The following GREB1L variants were observed in gnomAD, a reference collection of about 807,000 sequenced individuals.
GREB1L encodes GREB1-like protein.
A neutral mutation model predicts 200.8 loss-of-function variants in GREB1L; 17 were observed. That is an observed-to-expected ratio of 0.08 (90% CI 0.06 to 0.13). The LOEUF (loss-of-function observed/expected upper bound fraction) is 0.13, where lower values mean the gene tolerates loss of function less well. Ranked by LOEUF, GREB1L falls within the 10% of genes least tolerant of loss-of-function variation. The pLI, the probability that GREB1L is intolerant of heterozygous loss-of-function variation, is 1.00. For synonymous variants in GREB1L, 789 were observed against 893.0 expected (o/e 0.88, Z 2.08); for missense variants, 1,657 against 2,367.7 (o/e 0.70, Z 6.23).
chr18:21,332,577 C>T (rs1263437740), intron 1 of GREB1L, among the ~76,000 whole-genome samples: 2 of 152,046 alleles, frequency 1.3e-5, no homozygotes, highest in African/African-American at 2.4e-5. Context: ...TGGGTTTAAG[C>T]GATTCTCCAG....
intron 7 of GREB1L, among the ~76,000 whole-genome samples, chr18:21,415,158 A>G (rs1476725367): frequency 6.6e-6 from 1 of 152,206 alleles, no homozygotes; most frequent in Non-Finnish European, 1.5e-5. Context: ...GAGTCCCTCA[A>G]ATGTTCAACA....
At chr18:21,318,994 G>A (rs573927329) in intron 1 of GREB1L, among the ~76,000 whole-genome samples, 26 of 152,308 alleles carry the variant, frequency 1.7e-4, no homozygotes, top group Admixed American at 6.5e-4. Context: ...CTTAGCCCCC[G>A]TGTAGCTGCC....
intron 4 of GREB1L, among the ~76,000 whole-genome samples, chr18:21,388,306 G>A (rs1372967810): frequency 2.0e-5 from 3 of 152,014 alleles, no homozygotes; most frequent in South Asian, 4.1e-4. Flanking sequence ...TAAGAAAATA[G>A]TACAGTTTCC....
At chr18:21,439,442 A>C (rs978326826) in intron 7 of GREB1L, 79 bp from the exon 8 acceptor site, 1 of 824,762 alleles carries the variant, frequency 1.2e-6, no homozygotes, top group African/African-American at 1.7e-5. Flanking sequence ...TGTGAGGTCT[A>C]TCAGATGGTT....
At position 21,490,080 on chromosome 18, in the gene GREB1L, T is replaced by C; in HGVS notation, c.2759T>C (p.Met920Thr). 6.4e-7 allele frequency: 1 copy of C among 1,551,974 alleles called. No homozygotes were observed. The highest frequency in any genetic ancestry group is 8.7e-7 in the Non-Finnish European group (1 of 1,147,056). ...LLIQQYSEAL[M>T]ALTTMASLRD... ...ATCCAGCAGTACTCTGAGGCCCTGA[T>C]GGCTCTCACCACCATGGCGTCACTC... Residue 920 changes from methionine to threonine, a missense_variant, in exon 19 of 33, where the codon ATG becomes ACG. By Grantham distance (81) the Met-to-Thr change is moderately conservative. Coordinates refer to ENST00000424526, the MANE Select transcript of GREB1L (RefSeq NM_001142966.3).
At chr18:21,349,937 C>G (rs1240541099) in intron 1 of GREB1L, among the ~76,000 whole-genome samples, 2 of 152,190 alleles carry the variant, frequency 1.3e-5, no homozygotes, top group Admixed American at 6.5e-5. Context: ...AAACCAGTGC[C>G]TGGTGCCAAA....
intron 1 of GREB1L, among the ~76,000 whole-genome samples, chr18:21,324,727 A>G (rs1452645785): frequency 6.6e-6 from 1 of 152,138 alleles, no homozygotes; most frequent in Non-Finnish European, 1.5e-5. Flanking sequence ...GGAGAATGGC[A>G]TGAACCCAGG....
intron 1 of GREB1L, among the ~76,000 whole-genome samples, chr18:21,306,419 T>C (rs184041517): frequency 5.8e-4 from 89 of 152,312 alleles, no homozygotes; most frequent in African/African-American, 2.0e-3. Flanking sequence ...GAAAAGAGAC[T>C]AGCAATCATA....
chr18:21,439,816 G>C (rs2033795574), intron 8 of GREB1L, among the ~76,000 whole-genome samples, 179 bp downstream of exon 8: 1 of 152,234 alleles, frequency 6.6e-6, no homozygotes, highest in African/African-American at 2.4e-5. Flanking sequence ...GGGATTCTAT[G>C]TGGATGACCT....
At chr18:21,288,230 C>CT (rs1376607153) in intron 1 of GREB1L, among the ~76,000 whole-genome samples, 1 of 151,836 alleles carries the variant, frequency 6.6e-6, no homozygotes, top group Non-Finnish European at 1.5e-5. Flanking sequence ...GCCCCAAAAG[C>CT]TTTTTTTCCC....
rs2037655279 is a variant in GREB1L at position 21,524,686 on chromosome 18, G to C, written c.*1865G>C. The C allele has an allele frequency of 6.6e-6, 1 of 152,050 alleles. No individual in the cohort carries two copies. The highest frequency in any genetic ancestry group is 2.4e-5 in the African/African-American group (1 of 41,386). 9.4% of individuals were successfully genotyped at this position (152,050 alleles called of 1,614,324 possible). ...GGATGGCCTCTCAGGGTTTCTTCTG[G>C]CTTTATGACTTCATAGTTTAAAGAA... On this transcript the variant is annotated 3_prime_UTR_variant, in exon 33 of 33. Transcript: ENST00000424526.
intron 1 of GREB1L, among the ~76,000 whole-genome samples, chr18:21,334,754 C>CA (rs1252461575): frequency 1.3e-5 from 2 of 149,310 alleles, no homozygotes; most frequent in East Asian, 2.0e-4. Context: ...AGCCTGGTGA[C>CA]AGAGTATGAC....
intron 1 of GREB1L, among the ~76,000 whole-genome samples, chr18:21,354,870 AC>A (rs1231424553): frequency 6.6e-6 from 1 of 152,238 alleles, no homozygotes; most frequent in Non-Finnish European, 1.5e-5. Flanking sequence ...GTGCAGGGAT[AC>A]TTAGGATGTT....
At chr18:21,345,163 C>T (rs2039326792) in intron 1 of GREB1L, among the ~76,000 whole-genome samples, 1 of 152,102 alleles carries the variant, frequency 6.6e-6, no homozygotes, top group Non-Finnish European at 1.5e-5. Context: ...CACTTCAGAC[C>T]CTATTAGATT....
intron 15 of GREB1L, among the ~76,000 whole-genome samples, chr18:21,471,071 A>G (rs1479042972): frequency 6.6e-6 from 1 of 152,206 alleles, no homozygotes; most frequent in Non-Finnish European, 1.5e-5. Context: ...ACAACCTCTT[A>G]GATTTCTGGA....
chr18:21,389,656 C>T (rs1484646556), intron 4 of GREB1L, among the ~76,000 whole-genome samples: 2 of 152,252 alleles, frequency 1.3e-5, no homozygotes, highest in East Asian at 3.9e-4. Context: ...CTACTCTATA[C>T]CTCTTTAGCC....
chr18:21,491,645 G>A lies in GREB1L; in HGVS notation c.3030+1294G>A, dbSNP rs577373208. The stretch of plus-strand genomic sequence containing the variant: ...GGAGAATGGTGTGAACCCAGGAGGC[G>A]GAGCTTGCAGTGAGCCAAGATCGCA... On this transcript the variant is annotated intron_variant, in intron 19 of 32. Transcript: ENST00000424526. Among the ~76,000 whole-genome samples, 8 of 151,822 alleles carry A rather than the reference G, an allele frequency of 5.3e-5. No homozygotes were observed. In the South Asian group the frequency reaches 8.3e-4, roughly 16 times the overall value.
At chr18:21,257,825 A>G (rs1298219092) in intron 1 of GREB1L, among the ~76,000 whole-genome samples, 1 of 152,250 alleles carries the variant, frequency 6.6e-6, no homozygotes, top group Non-Finnish European at 1.5e-5. Flanking sequence ...TAATTCAACA[A>G]TATTATTAAA....
intron 1 of GREB1L, among the ~76,000 whole-genome samples, chr18:21,247,715 G>A (rs1173200932): frequency 6.6e-6 from 1 of 152,144 alleles, no homozygotes; most frequent in Admixed American, 6.5e-5. Flanking sequence ...AATAATAAAT[G>A]TAGACATATT....
Sources: allele counts gnomAD v4.1 joint callset (sites outside exome capture counted in the v4.1 genomes callset), GRCh38; gene constraint gnomAD v4.1.1; transcripts MANE v1.5; gene names NCBI Gene and HGNC (gene_info 2026-07-23, HGNC 2026-07-21).